NPAS3: variants seen among roughly 807,000 people sequenced by gnomAD.
NPAS3 encodes neuronal PAS domain-containing protein 3.
A neutral mutation model predicts 73.1 loss-of-function variants in NPAS3; 14 were observed. The ratio of observed to expected loss-of-function variants is 0.19; its 90% CI spans 0.13 to 0.30. NPAS3 has a LOEUF of 0.30. Ranked by LOEUF, NPAS3 falls within the 10% of genes least tolerant of loss-of-function variation. The pLI, the probability that NPAS3 is intolerant of heterozygous loss-of-function variation, is 1.00. For synonymous variants in NPAS3, 620 were observed against 541.5 expected (o/e 1.14, Z -2.01); for missense variants, 1,096 against 1,250.0 (o/e 0.88, Z 1.86).
At chr14:33,056,777 G>T (rs1333274537) in intron 2 of NPAS3, among the ~76,000 whole-genome samples, 3 of 152,180 alleles carry the variant, frequency 2.0e-5, no homozygotes, top group African/African-American at 7.2e-5. Flanking sequence ...TTCCATAAAA[G>T]TTATGAAATA....
intron 2 of NPAS3, among the ~76,000 whole-genome samples, chr14:33,081,826 T>A (rs2041871995): frequency 6.6e-6 from 1 of 152,212 alleles, no homozygotes; most frequent in African/African-American, 2.4e-5. Context: ...TTGAACCACT[T>A]TGTATGACAA....
chr14:33,384,559 A>C (rs1312168116), intron 4 of NPAS3, among the ~76,000 whole-genome samples: 2 of 152,032 alleles, frequency 1.3e-5, no homozygotes, highest in Non-Finnish European at 2.9e-5. Context: ...GTGAAACCCC[A>C]TCTCTACTAA....
At chr14:33,519,193 GC>G (rs769304159) in intron 4 of NPAS3, among the ~76,000 whole-genome samples, 7 of 152,032 alleles carry the variant, frequency 4.6e-5, no homozygotes, top group African/African-American at 9.7e-5. Context: ...TGTTTCGCTG[GC>G]ATCCTTTGAT....
At chr14:33,764,073 G>T (rs1392854162) in intron 7 of NPAS3, among the ~76,000 whole-genome samples, 1 of 152,110 alleles carries the variant, frequency 6.6e-6, no homozygotes, top group Non-Finnish European at 1.5e-5. Flanking sequence ...AGGAAGACAG[G>T]AGTGGCTGGC....
chr14:33,766,862 A>C (rs1162580156), intron 7 of NPAS3, among the ~76,000 whole-genome samples: 4 of 152,118 alleles, frequency 2.6e-5, no homozygotes, highest in African/African-American at 9.7e-5. Flanking sequence ...CCACCTTGTG[A>C]AGTCAGCTTT....
intron 4 of NPAS3, among the ~76,000 whole-genome samples, chr14:33,451,051 G>A (rs1461215274): frequency 6.6e-6 from 1 of 152,064 alleles, no homozygotes; most frequent in African/African-American, 2.4e-5. Flanking sequence ...CTATTATTGT[G>A]GATCAAATTG....
chr14:33,731,757 G>A (rs1483368731), intron 6 of NPAS3, among the ~76,000 whole-genome samples: 2 of 152,180 alleles, frequency 1.3e-5, no homozygotes, highest in Non-Finnish European at 2.9e-5. Context: ...AAATTTTCCT[G>A]TAAATTTTAC....
At chr14:33,187,351 C>A (rs1430751064) in intron 2 of NPAS3, among the ~76,000 whole-genome samples, 1 of 152,304 alleles carries the variant, frequency 6.6e-6, no homozygotes, top group Middle Eastern at 3.4e-3. Flanking sequence ...ACCTGAAATG[C>A]TCTTCTCCAC....
chr14:33,445,418 A>G (rs2049441015), intron 4 of NPAS3, among the ~76,000 whole-genome samples: 1 of 152,170 alleles, frequency 6.6e-6, no homozygotes, highest in African/African-American at 2.4e-5. Flanking sequence ...TTTCACCCCA[A>G]CTCTGACATG....
chr14:33,447,155 C>T (rs1220791058), intron 4 of NPAS3, among the ~76,000 whole-genome samples: 4 of 152,134 alleles, frequency 2.6e-5, no homozygotes, highest in Non-Finnish European at 5.9e-5. Context: ...GCCGTTGGGG[C>T]CTAAAGGACT....
chr14:33,133,638 C>T (rs1348175060), intron 2 of NPAS3, among the ~76,000 whole-genome samples: 4 of 152,172 alleles, frequency 2.6e-5, no homozygotes, highest in Non-Finnish European at 5.9e-5. Context: ...GGCATTTATA[C>T]CTATTGTAAA....
intron 4 of NPAS3, among the ~76,000 whole-genome samples, chr14:33,456,833 G>A (rs1055116760): frequency 2.6e-5 from 4 of 152,084 alleles, no homozygotes; most frequent in East Asian, 1.9e-4. Context: ...CAGAAATGGG[G>A]GTAAAGGTTG....
chr14:33,579,810 A>G (rs772427245), intron 5 of NPAS3, among the ~76,000 whole-genome samples: 1 of 152,144 alleles, frequency 6.6e-6, no homozygotes, highest in African/African-American at 2.4e-5. Context: ...AGTTGGAAGT[A>G]AAGGCCTTAT....
At chr14:33,386,336 A>G (rs543394283) in intron 4 of NPAS3, among the ~76,000 whole-genome samples, 7 of 152,320 alleles carry the variant, frequency 4.6e-5, no homozygotes, top group Admixed American at 1.3e-4. Flanking sequence ...GTCAAGGAGA[A>G]TGATTCAGCA....
At chr14:33,412,406 C>T (rs2047968724) in intron 4 of NPAS3, among the ~76,000 whole-genome samples, 1 of 152,102 alleles carries the variant, frequency 6.6e-6, no homozygotes, top group Non-Finnish European at 1.5e-5. Flanking sequence ...AGATGTGAGC[C>T]ACTACACCTG....
At chr14:33,726,342 C>T (rs1207496437) in intron 6 of NPAS3, among the ~76,000 whole-genome samples, 1 of 152,184 alleles carries the variant, frequency 6.6e-6, no homozygotes, top group African/African-American at 2.4e-5. Context: ...GAAGGCAAAT[C>T]ACTCAATCTT....
At position 33,230,860 on chromosome 14, in the gene NPAS3, A is replaced by C. The variant is rs1468333074; in HGVS notation, c.385+15434A>C. On this transcript the variant is annotated intron_variant, in intron 3 of 11. Coordinates refer to ENST00000356141, the Ensembl canonical transcript of NPAS3. ...CCAGGGGTATTTTTGCTCCAGTCAG[A>C]ATGCAAACCACTTATGTTCATTTTC... Among the ~76,000 whole-genome samples, 5 of 152,342 alleles carry C rather than the reference A, an allele frequency of 3.3e-5. No homozygotes were observed. The South Asian group carries it at 6.2e-4, about 19-fold the overall frequency.
intron 4 of NPAS3, among the ~76,000 whole-genome samples, chr14:33,430,714 T>C (rs1008518284): frequency 1.3e-5 from 2 of 152,206 alleles, no homozygotes; most frequent in African/African-American, 4.8e-5. Flanking sequence ...TAGATGCACA[T>C]TTGATTTCCA....
chr14:33,289,413 C>T (rs1046597069), intron 3 of NPAS3, among the ~76,000 whole-genome samples: 1 of 152,164 alleles, frequency 6.6e-6, no homozygotes, highest in Non-Finnish European at 1.5e-5. Flanking sequence ...ACACCCTGCC[C>T]CTTTTAAAAC....
Sources: gnomAD v4.1 joint callset for allele counts (sites outside exome capture counted in the v4.1 genomes callset) on GRCh38, gnomAD v4.1.1 for gene constraint, MANE v1.5 for transcripts, NCBI Gene and HGNC (gene_info 2026-07-23, HGNC 2026-07-21) for gene names.